The following MMS22L variants were observed in gnomAD, a reference collection of about 807,000 sequenced individuals.
MMS22L encodes the protein MMS22 like, DNA repair protein, also known as protein MMS22-like.
A neutral mutation model predicts 159.1 loss-of-function variants in MMS22L; 74 were observed. The ratio of observed to expected loss-of-function variants is 0.47; its 90% CI spans 0.39 to 0.56. The LOEUF is 0.56. MMS22L is among the 20% of genes least tolerant of loss of function. MMS22L has a pLI of 0.00. For missense variants in MMS22L, 1,351 were observed against 1,422.1 expected, an observed-to-expected ratio of 0.95 and a Z score of 0.80; for synonymous variants, 517 against 506.9, an observed-to-expected ratio of 1.02 and a Z score of -0.27.
intron 14 of MMS22L, among the ~76,000 whole-genome samples, chr6:97,196,130 A>G (rs1806473748): frequency 6.6e-6 from 1 of 152,188 alleles, no homozygotes; most frequent in South Asian, 2.1e-4. Context: ...ATCTTAATGA[A>G]CACGTCAATG....
At chr6:97,226,924 T>C (rs1304359671) in intron 14 of MMS22L, among the ~76,000 whole-genome samples, 2 of 152,010 alleles carry the variant, frequency 1.3e-5, no homozygotes, top group Non-Finnish European at 2.9e-5. Context: ...ACCAAAAATG[T>C]CTCCAGGCAT....
intron 4 of MMS22L, among the ~76,000 whole-genome samples, chr6:97,274,783 T>C (rs914182532): frequency 6.6e-6 from 1 of 152,120 alleles, no homozygotes; most frequent in African/African-American, 2.4e-5. Context: ...TAAGTATCGA[T>C]CTGTTCAAGC....
intron 14 of MMS22L, among the ~76,000 whole-genome samples, chr6:97,190,560 T>C (rs2500502): frequency 0.89 from 136,062 of 152,226 alleles, 61,107 homozygotes; most frequent in East Asian, 1. Context: ...GCAGCTCTCA[T>C]GGTGGAAATA....
rs1208623250 is a variant in MMS22L, at chr6:97,145,535, C to T, written c.*1271G>A. ...GGAAAGTGGGATCATTCATCTGGGA[C>T]ATATCATTAGAGAAAGATAAAATTG... On this transcript the variant is annotated 3_prime_UTR_variant, in exon 25 of 25. Coordinates refer to ENST00000683635, the MANE Select transcript of MMS22L (RefSeq NM_001350599.2). 1.3e-5 allele frequency: 2 copies of T among 152,130 alleles called. No individual in the cohort carries two copies. The highest frequency in any genetic ancestry group is 4.8e-5 in the African/African-American group (2 of 41,434). The allele number at this position is 152,130 out of a possible 1,614,324, so 9.4% of individuals were successfully genotyped here.
chr6:97,282,655 G>C, intron 1 of MMS22L, 102 bp from the exon 2 acceptor site: 1 of 497,676 alleles, frequency 2.0e-6, no homozygotes, highest in East Asian at 3.6e-5. Context: ...CAAACCCAGA[G>C]GCCAAATTCC....
intron 8 of MMS22L, chr6:97,265,461 C>A (rs1814996566): frequency 6.6e-6 from 1 of 151,908 alleles, no homozygotes; most frequent in African/African-American, 2.4e-5. Flanking sequence ...TTGGATATGA[C>A]CCCAAAAAGC....
Position 97,151,843 on chromosome 6 carries a change from A to C in MMS22L, c.3410T>G (p.Leu1137Arg). The C allele has an allele frequency of 6.2e-7, 1 of 1,613,492 alleles. No homozygotes were observed. The highest frequency in any genetic ancestry group is 8.5e-7 in the Non-Finnish European group (1 of 1,179,624). ...PQVKRLATEN[L>R]QYMVKACQVG... Reference sequence around the variant, plus strand: ...TTGGCAGGCTTTTACCATGTATTGCAGGTTCTCTGTGGCCAGCCTTTTAAC... The same window carrying C: ...TTGGCAGGCTTTTACCATGTATTGCCGGTTCTCTGTGGCCAGCCTTTTAAC... Residue 1137 changes from leucine to arginine, a missense_variant, in exon 23 of 25, where the codon CTG becomes CGG. Transcript: ENST00000683635.
intron 6 of MMS22L, 26 bp from the exon 7 acceptor site, chr6:97,270,018 T>C (rs763808485): frequency 1.5e-5 from 24 of 1,552,836 alleles, no homozygotes; most frequent in African/African-American, 2.7e-5. Flanking sequence ...TCAACTGTGA[T>C]TGAGAATTCA....
At chr6:97,234,904 T>C (rs1405802804) in intron 11 of MMS22L, among the ~76,000 whole-genome samples, 1 of 152,196 alleles carries the variant, frequency 6.6e-6, no homozygotes, top group East Asian at 1.9e-4. Flanking sequence ...GAGTGGAAAG[T>C]TCCTCAATTA....
chr6:97,234,030 A>G lies in MMS22L; in HGVS notation c.1183-50T>C, dbSNP rs1811142208. 6 of 1,571,942 alleles carry G rather than the reference A, an allele frequency of 3.8e-6. No homozygotes were observed. The East Asian group carries it at 1.4e-4, about 36-fold the overall frequency. On this transcript the variant is annotated intron_variant, in intron 11 of 24. Transcript: ENST00000683635. ...GAAGGTAAATGGGCTCTGGCAATAT[A>G]AACATTTTCACTTGATATTGTGCTG...
At chr6:97,166,517 C>G (rs1226535939) in intron 20 of MMS22L, among the ~76,000 whole-genome samples, 2 of 151,990 alleles carry the variant, frequency 1.3e-5, no homozygotes, top group Non-Finnish European at 2.9e-5. Context: ...AAACAATGAA[C>G]CCCTCCCCCA....
chr6:97,202,004 G>C (rs575644955), intron 14 of MMS22L, among the ~76,000 whole-genome samples: 1 of 152,262 alleles, frequency 6.6e-6, no homozygotes, highest in East Asian at 1.9e-4. Flanking sequence ...ACATTTTTGT[G>C]CTTACATATA....
chr6:97,151,516 G>A, intron 23 of MMS22L: 1 of 401,630 alleles, frequency 2.5e-6, no homozygotes, highest in Non-Finnish European at 4.7e-6. Context: ...AGAGACACAT[G>A]ACTGTTCATG....
intron 6 of MMS22L, 75 bp from the exon 7 acceptor site, chr6:97,270,067 C>G: frequency 8.8e-7 from 1 of 1,137,984 alleles, no homozygotes; most frequent in Non-Finnish European, 1.3e-6. Flanking sequence ...TGTCACAATA[C>G]TCCTCCATAA....
chr6:97,209,439 G>C (rs1237280440), intron 14 of MMS22L, among the ~76,000 whole-genome samples: 1 of 151,776 alleles, frequency 6.6e-6, no homozygotes, highest in African/African-American at 2.4e-5. Context: ...AAGAGAGTAA[G>C]TCCATACAAA....
chr6:97,223,337 GT>G (rs11346566), intron 14 of MMS22L, among the ~76,000 whole-genome samples: 98,632 of 151,320 alleles, frequency 0.65, 33,444 homozygotes, highest in Non-Finnish European at 0.76. Context: ...GATGGCTAAG[GT>G]TTAAGTATTT....
chr6:97,163,642 A>G (rs1802670252), intron 21 of MMS22L, among the ~76,000 whole-genome samples: 1 of 152,086 alleles, frequency 6.6e-6, no homozygotes, highest in Non-Finnish European at 1.5e-5. Flanking sequence ...TTAGGTTACT[A>G]CAATCCTGTT....
chr6:97,221,181 G>T (rs895621100), intron 14 of MMS22L, among the ~76,000 whole-genome samples: 1 of 152,092 alleles, frequency 6.6e-6, no homozygotes, highest in Non-Finnish European at 1.5e-5. Context: ...ATTCTAGTGA[G>T]GTAGGTGGTA....
At chr6:97,168,036 T>G in intron 20 of MMS22L, 35 bp downstream of exon 20, 5 of 1,516,228 alleles carry the variant, frequency 3.3e-6, no homozygotes, top group Non-Finnish European at 3.5e-6. Context: ...TCAATATTTT[T>G]TTTTTAAACT....
Sources: gnomAD v4.1 joint callset for allele counts (sites outside exome capture counted in the v4.1 genomes callset) on GRCh38, gnomAD v4.1.1 for gene constraint, MANE v1.5 for transcripts, NCBI Gene and HGNC (gene_info 2026-07-23, HGNC 2026-07-21) for gene names.